Variants in PCDHA13 observed in about 807,000 individuals in gnomAD.
PCDHA13 encodes protocadherin alpha-13.
A neutral mutation model predicts 64.8 loss-of-function variants in PCDHA13; 54 were observed. That is an observed-to-expected ratio of 0.83 (90% CI 0.67 to 1.04). PCDHA13 has a LOEUF of 1.04. Ranked by LOEUF, PCDHA13 falls within the 50% of genes least tolerant of loss-of-function variation. The probability of loss-of-function intolerance (pLI) is 0.00; values close to 1 mark genes in which losing one functional copy is unlikely to be tolerated. For synonymous variants in PCDHA13, 587 were observed against 564.4 expected, an observed-to-expected ratio of 1.04 and a Z score of -0.57; for missense variants, 1,248 against 1,254.3, an observed-to-expected ratio of 0.99 and a Z score of 0.08.
intron 1 of PCDHA13, among the ~76,000 whole-genome samples, chr5:140,917,405 T>C (rs2153543748): frequency 6.6e-6 from 1 of 152,162 alleles, no homozygotes; most frequent in South Asian, 2.1e-4. Flanking sequence ...AGCTCTTTAG[T>C]TTAATTAGGC....
Position 140,883,300 on chromosome 5 carries a change from T to C in PCDHA13, c.1032T>C (p.Asn344=), listed in dbSNP as rs782541976. Residue 344 remains asparagine (N), a synonymous_variant, in exon 1 of 4, where the codon AAT becomes AAC. Coordinates refer to ENST00000289272, the MANE Select transcript of PCDHA13 (RefSeq NM_018904.3). ...CTLLVEVLDV[N]DNAPEVTITS... is the part of the protein sequence containing the mutation. ...TTTTGGTGGAAGTACTAGATGTAAATGATAACGCCCCAGAGGTTACCATCA... is the reference window on the plus strand; with the variant it reads ...TTTTGGTGGAAGTACTAGATGTAAACGATAACGCCCCAGAGGTTACCATCA... 1 of 1,613,974 alleles carries C rather than the reference T, an allele frequency of 6.2e-7. No homozygotes were observed. The highest frequency in any genetic ancestry group is 1.3e-5 in the African/African-American group (1 of 74,886).
At chr5:140,970,332 G>A (rs1236073527) in intron 1 of PCDHA13, among the ~76,000 whole-genome samples, 12 of 152,138 alleles carry the variant, frequency 7.9e-5, no homozygotes, top group Admixed American at 2.6e-4. Flanking sequence ...TCCAAAGCAT[G>A]CATTCATTTT....
intron 1 of PCDHA13, 119 bp from the exon 2 acceptor site, chr5:140,978,830 C>A: frequency 1.3e-6 from 2 of 1,535,340 alleles, no homozygotes; most frequent in Non-Finnish European, 1.8e-6. Context: ...TGAAATGGCT[C>A]ATTCAATACT....
intron 1 of PCDHA13, among the ~76,000 whole-genome samples, chr5:140,947,509 T>C (rs1358803536): frequency 2.6e-5 from 4 of 151,722 alleles, no homozygotes; most frequent in Non-Finnish European, 4.4e-5. Flanking sequence ...AATTTTCATA[T>C]AAATTTTAGA....
rs111528394 is a variant in PCDHA13 at position 140,995,338 on chromosome 5, C to T, written c.2542+12775C>T. Among the ~76,000 whole-genome samples the T allele has an allele frequency of 2.7e-4, 41 of 151,956 alleles. 1 individual carries two copies. Among genetic ancestry groups the T allele is most frequent in the Admixed American group, 6.6e-4 (10 of 15,254 alleles). On this transcript the variant is annotated intron_variant, in intron 3 of 3. Coordinates refer to ENST00000289272, the MANE Select transcript of PCDHA13 (RefSeq NM_018904.3). The stretch of plus-strand genomic sequence containing the variant: ...TGAACTAACAGGTGAGTAGTGTAGA[C>T]GGCATGGATAGGTCGGACAGAGGGA...
At chr5:140,993,521 G>A (rs1554253818) in intron 3 of PCDHA13, among the ~76,000 whole-genome samples, 1 of 151,130 alleles carries the variant, frequency 6.6e-6, no homozygotes, top group African/African-American at 2.4e-5. Context: ...GGGAGAGAGA[G>A]ACAGAGAGAG....
At chr5:140,920,199 C>G (rs2079510871) in intron 1 of PCDHA13, among the ~76,000 whole-genome samples, 1 of 152,116 alleles carries the variant, frequency 6.6e-6, no homozygotes, top group African/African-American at 2.4e-5. Flanking sequence ...GTCACAGCAG[C>G]CACAGAAAAC....
At chr5:140,958,667 TA>T (rs1310790364) in intron 1 of PCDHA13, among the ~76,000 whole-genome samples, 1 of 152,186 alleles carries the variant, frequency 6.6e-6, no homozygotes, top group African/African-American at 2.4e-5. Context: ...GATGAAATTT[TA>T]ATTATAAAGG....
intron 1 of PCDHA13, among the ~76,000 whole-genome samples, chr5:140,921,661 A>C (rs1554200347): frequency 1.3e-5 from 2 of 152,226 alleles, no homozygotes; most frequent in African/African-American, 4.8e-5. Context: ...CTTAATAAAA[A>C]TTTAACAGTT....
intron 1 of PCDHA13, among the ~76,000 whole-genome samples, chr5:140,932,302 G>A (rs565143074): frequency 6.6e-6 from 1 of 151,800 alleles, no homozygotes; most frequent in African/African-American, 2.4e-5. Context: ...AATTTTTAAA[G>A]GTATAAATAT....
At chr5:140,968,992 T>C in intron 1 of PCDHA13, 1 of 1,614,220 alleles carries the variant, frequency 6.2e-7, no homozygotes, top group Non-Finnish European at 8.5e-7. Flanking sequence ...CTGCATGCTG[T>C]GGAGGCTTCT....
intron 1 of PCDHA13, among the ~76,000 whole-genome samples, chr5:140,920,334 T>A (rs2079581280): frequency 6.6e-6 from 1 of 152,212 alleles, no homozygotes; most frequent in South Asian, 2.1e-4. Context: ...TTATGGCATT[T>A]CTTATTTGTC....
At chr5:140,964,446 G>A (rs782155669) in intron 1 of PCDHA13, among the ~76,000 whole-genome samples, 2 of 152,100 alleles carry the variant, frequency 1.3e-5, no homozygotes, top group Non-Finnish European at 2.9e-5. Context: ...CTCTGCCACT[G>A]TAATCTCTTC....
At chr5:140,921,353 A>G (rs943655623) in intron 1 of PCDHA13, among the ~76,000 whole-genome samples, 5 of 152,160 alleles carry the variant, frequency 3.3e-5, no homozygotes, top group Non-Finnish European at 5.9e-5. Flanking sequence ...ATATTTGCCT[A>G]TATTCAAGTT....
intron 1 of PCDHA13, among the ~76,000 whole-genome samples, chr5:140,921,330 C>T (rs1285696901): frequency 6.6e-6 from 1 of 152,026 alleles, no homozygotes; most frequent in Non-Finnish European, 1.5e-5. Flanking sequence ...TCTGTCTGGT[C>T]CAATCACATA....
chr5:140,959,876 G>A (rs1335764869), intron 1 of PCDHA13, among the ~76,000 whole-genome samples: 1 of 152,134 alleles, frequency 6.6e-6, no homozygotes. Context: ...ATCTGTCAAG[G>A]AATACACGAG....
chr5:140,975,527 A>G (rs782267941), intron 1 of PCDHA13, among the ~76,000 whole-genome samples: 2 of 152,220 alleles, frequency 1.3e-5, no homozygotes, highest in Non-Finnish European at 2.9e-5. Context: ...CAGTGGATAT[A>G]TTCTTAATAC....
At chr5:140,926,804 C>T (rs1298226109) in intron 1 of PCDHA13, 4 of 1,455,652 alleles carry the variant, frequency 2.7e-6, no homozygotes, top group East Asian at 2.5e-5. Context: ...TGCTCTTCCC[C>T]GCGGCTCGTG....
intron 1 of PCDHA13, among the ~76,000 whole-genome samples, chr5:140,913,266 T>C (rs1458769816): frequency 1.3e-5 from 2 of 152,176 alleles, no homozygotes; most frequent in Non-Finnish European, 2.9e-5. Flanking sequence ...TCTAATTACT[T>C]GTTATTGGTC....
Sources: allele counts gnomAD v4.1 joint callset (sites outside exome capture counted in the v4.1 genomes callset), GRCh38; gene constraint gnomAD v4.1.1; transcripts MANE v1.5; gene names NCBI Gene and HGNC (gene_info 2026-07-23, HGNC 2026-07-21).